The following TRIM67 variants were observed in gnomAD, a reference collection of about 807,000 sequenced individuals.
TRIM67 encodes tripartite motif-containing protein 67.
TRIM67 carries 39 observed loss-of-function variants against 71.0 expected under a neutral mutation model. That is an observed-to-expected ratio of 0.55 (90% CI 0.43 to 0.72). TRIM67 has a LOEUF of 0.72. TRIM67 is among the 30% of genes least tolerant of loss of function. TRIM67 has a pLI of 0.00. For missense variants in TRIM67, 973 were observed against 1,079.2 expected (o/e 0.90, Z 1.38); for synonymous variants, 481 against 473.9 (o/e 1.01, Z -0.19).
chr1:231,174,030 A>T (rs891681549), intron 1 of TRIM67, among the ~76,000 whole-genome samples: 27 of 151,392 alleles, frequency 1.8e-4, no homozygotes, highest in African/African-American at 6.1e-4. Context: ...CTCCTTCTCT[A>T]TCCTCTCTCT....
At chr1:231,207,959 T>C (rs1288582420) in intron 7 of TRIM67, among the ~76,000 whole-genome samples, 6 of 151,728 alleles carry the variant, frequency 4.0e-5, no homozygotes, top group African/African-American at 7.3e-5. Flanking sequence ...TCTCTGTGTC[T>C]CAAATCTCCC....
Position 231,201,348 on chromosome 1 carries a change from C to A in TRIM67, c.1375-10C>A. The stretch of plus-strand genomic sequence containing the variant: ...AAAGCAAAACCTTAAACTCTTTGCT[C>A]CCCTTTAAGATCTCAGATGCTCTGA... On this transcript the variant is annotated splice_polypyrimidine_tract_variant and intron_variant, in intron 4 of 9. Coordinates refer to ENST00000366653, the MANE Select transcript of TRIM67 (RefSeq NM_001004342.5). The A allele has an allele frequency of 6.2e-7, 1 of 1,610,002 alleles. No homozygotes were observed. The highest frequency in any genetic ancestry group is 1.1e-5 in the South Asian group (1 of 90,168).
At chr1:231,200,699 T>C (rs1683497230) in intron 4 of TRIM67, among the ~76,000 whole-genome samples, 1 of 152,232 alleles carries the variant, frequency 6.6e-6, no homozygotes, top group South Asian at 2.1e-4. Context: ...TGACTCAGGG[T>C]CATGAGTATC....
rs572649274 is a variant in TRIM67, at chr1:231,217,940, C to A, written c.*2500C>A. ...AGGACTCCCTCCTCCCCACTGCCAC[C>A]CTGAGCTTGGGGGCTGGGATTCTCC... On this transcript the variant is annotated 3_prime_UTR_variant, in exon 10 of 10. Coordinates refer to ENST00000366653, the MANE Select transcript of TRIM67 (RefSeq NM_001004342.5). 2.4e-6 allele frequency: 3 copies of A among 1,274,696 alleles called. No homozygotes were observed. The highest frequency in any genetic ancestry group is 3.0e-5 in the African/African-American group (2 of 65,726). The allele number at this position is 1,274,696 out of a possible 1,614,324, so 79.0% of individuals were successfully genotyped here.
chr1:231,167,319 C>CTTTTTTTTTTTTTTTTTTTTTTTTT lies in TRIM67; in HGVS notation c.1044+3327_1044+3328insTTTTTTTTTTTTTTTTTTTTTTTTT. Among the ~76,000 whole-genome samples, 20 of 51,840 alleles carry CTTTTTTTTTTTTTTTTTTTTTTTTT rather than the reference C, an allele frequency of 3.9e-4. 4 individuals carry two copies. Among genetic ancestry groups the CTTTTTTTTTTTTTTTTTTTTTTTTT allele is most frequent in the Non-Finnish European group, 5.5e-4 (15 of 27,220 alleles). The allele number at this position is 51,840 out of a possible 152,430, so 34.0% of individuals were successfully genotyped here. ...ACAGGACTTTTGATCACTCTAATGT[C>CTTTTTTTTTTTTTTTTTTTTTTTTT]TTTTTTTTTTTTTTTTTTTTTGAGA... On this transcript the variant is annotated intron_variant, in intron 1 of 9. Coordinates refer to ENST00000366653, the MANE Select transcript of TRIM67 (RefSeq NM_001004342.5).
chr1:231,201,096 GTTTGCGGCAATCTC>G (rs1189573549), intron 4 of TRIM67, among the ~76,000 whole-genome samples: 73 of 152,318 alleles, frequency 4.8e-4, no homozygotes, highest in Admixed American at 1.4e-3. Context: ...TCTCAGTAGT[GTTTGCGGCAATCTC>G]TTTAAGCATC....
rs1159484901 is a variant in TRIM67 at position 231,163,738 on chromosome 1, C to CCGA, written c.771_772insACG (p.Pro257_Pro258insThr). 5 of 1,491,930 alleles carry CCGA rather than the reference C, an allele frequency of 3.4e-6. No homozygotes were observed. The East Asian group carries it at 1.2e-4, about 35-fold the overall frequency. The allele number at this position is 1,491,930 out of a possible 1,614,324, so 92.4% of individuals were successfully genotyped here. The stretch of plus-strand genomic sequence containing the variant: ...TCGCCTGGTGCAGCCGCCGCCGCCG[C>CCGA]CGCCGCCGCCCGCCGAGGCAGCCTC... On this transcript the variant is annotated inframe_insertion, in exon 1 of 10. Coordinates refer to ENST00000366653, the MANE Select transcript of TRIM67 (RefSeq NM_001004342.5).
At chr1:231,196,894 T>C (rs1571891072) in intron 1 of TRIM67, among the ~76,000 whole-genome samples, 2 of 152,172 alleles carry the variant, frequency 1.3e-5, no homozygotes, top group Non-Finnish European at 2.9e-5. Context: ...ACAGCCCCCT[T>C]CCTGTCCATC....
chr1:231,211,124 G>C (rs142968990), intron 8 of TRIM67, among the ~76,000 whole-genome samples: 119 of 151,840 alleles, frequency 7.8e-4, no homozygotes, highest in African/African-American at 2.5e-3. Context: ...CGGGTCACGC[G>C]GCTAGTTGAT....
chr1:231,213,993 G>C lies in TRIM67; in HGVS notation c.2286+16G>C, dbSNP rs549688150. The C allele has an allele frequency of 6.3e-7, 1 of 1,597,632 alleles. No homozygotes were observed. The highest frequency in any genetic ancestry group is 2.2e-5 in the East Asian group (1 of 44,668). On this transcript the variant is annotated intron_variant, in intron 9 of 9. Coordinates refer to ENST00000366653, the MANE Select transcript of TRIM67 (RefSeq NM_001004342.5). ...CAACGTGCAGGTACACACCTCCCCA[G>C]GGCCGGACCTGGTCTGGCTGCTCCC... is the stretch of plus-strand genomic sequence containing the variant.
At chr1:231,210,256 C>A (rs1683830834) in intron 8 of TRIM67, among the ~76,000 whole-genome samples, 1 of 152,130 alleles carries the variant, frequency 6.6e-6, no homozygotes, top group Non-Finnish European at 1.5e-5. Context: ...GGGCCCCAGC[C>A]CCAGGCAAAA....
At chr1:231,174,554 A>G (rs1240526472) in intron 1 of TRIM67, among the ~76,000 whole-genome samples, 2 of 150,566 alleles carry the variant, frequency 1.3e-5, no homozygotes, top group African/African-American at 4.9e-5. Flanking sequence ...CTTCCATTTC[A>G]CTGGTTATTT....
rs981493194 is a variant in TRIM67, at chr1:231,164,351, T to C, written c.1044+338T>C. ...ACGTCTGACTAATAAGTTACCTTGA[T>C]GGTCCCTTTTGAGTTAAGGCATGCA... is the stretch of plus-strand genomic sequence containing the variant. On this transcript the variant is annotated intron_variant, in intron 1 of 9. Transcript: ENST00000366653. Among the ~76,000 whole-genome samples the C allele has an allele frequency of 5.3e-5, 8 of 152,324 alleles. No individual in the cohort carries two copies. In the South Asian group the frequency reaches 1.5e-3, roughly 28 times the overall value.
In TRIM67 at chr1:231,193,930, T is replaced by C. The variant is rs145004811; in HGVS notation, c.1045-3441T>C. Among the ~76,000 whole-genome samples, 261 of 152,222 alleles carry C rather than the reference T, an allele frequency of 1.7e-3. 1 individual carries two copies. Among genetic ancestry groups the C allele is most frequent in the African/African-American group, 6.2e-3 (257 of 41,518 alleles). On this transcript the variant is annotated intron_variant, in intron 1 of 9. Coordinates refer to ENST00000366653, the MANE Select transcript of TRIM67 (RefSeq NM_001004342.5). Reference sequence around the variant, plus strand: ...TGTGACCAAATACCTCCCACTAGGCTCCACCTCCAAAACTGGGGATCAAAT... The same window carrying C: ...TGTGACCAAATACCTCCCACTAGGCCCCACCTCCAAAACTGGGGATCAAAT...
chr1:231,212,680 ACCACTGCCTGGG>A lies in TRIM67; in HGVS notation c.2124-1130_2124-1119del, dbSNP rs1683906487. ...CCAGGCAACGGTGAGCCATGATTGC[ACCACTGCCTGGG>A]CCACAGGGAGAAACAGCCACTCTAA... is the stretch of plus-strand genomic sequence containing the variant. On this transcript the variant is annotated intron_variant, in intron 8 of 9. Transcript: ENST00000366653. Among the ~76,000 whole-genome samples the A allele has an allele frequency of 2.6e-5, 4 of 152,124 alleles. No individual in the cohort carries two copies. The South Asian group carries it at 8.3e-4, about 32-fold the overall frequency.
intron 1 of TRIM67, among the ~76,000 whole-genome samples, chr1:231,171,776 G>T (rs1015220489): frequency 6.6e-6 from 1 of 152,160 alleles, no homozygotes; most frequent in Non-Finnish European, 1.5e-5. Context: ...TGCTAAACTT[G>T]TACAGCAAGT....
rs1045732966 is a variant in TRIM67, at chr1:231,163,924, C to A, written c.955C>A (p.Arg319=). The A allele has an allele frequency of 6.3e-7, 1 of 1,585,430 alleles. No homozygotes were observed. The highest frequency in any genetic ancestry group is 8.6e-7 in the Non-Finnish European group (1 of 1,166,322). ...CTACAGCATGTACTGCGTGAGCTGT[C>A]GAACCCCGGTGTGTTATCTGTGCCT... ...ENYSMYCVSC[R]TPVCYLCLEE... is the part of the protein sequence containing the mutation. Residue 319 remains arginine (R), a synonymous_variant, in exon 1 of 10, where the codon CGA becomes AGA. Coordinates refer to ENST00000366653, the MANE Select transcript of TRIM67 (RefSeq NM_001004342.5).
chr1:231,218,567 G>T lies in TRIM67; in HGVS notation c.*3127G>T. 1.0e-6 allele frequency: 1 copy of T among 985,412 alleles called. No homozygotes were observed. The highest frequency in any genetic ancestry group is 1.2e-6 in the Non-Finnish European group (1 of 829,934). 61.0% of individuals were successfully genotyped at this position (985,412 alleles called of 1,614,324 possible). On this transcript the variant is annotated 3_prime_UTR_variant, in exon 10 of 10. Coordinates refer to ENST00000366653, the MANE Select transcript of TRIM67 (RefSeq NM_001004342.5). Reference sequence around the variant, plus strand: ...AGCTCCTAATTCAAAGCAGGGGAAGGTATTTCCCCAAAGCCTGCTTTTCCT... The same window carrying T: ...AGCTCCTAATTCAAAGCAGGGGAAGTTATTTCCCCAAAGCCTGCTTTTCCT...
chr1:231,187,645 T>C (rs943175142), intron 1 of TRIM67: 3 of 1,296,198 alleles, frequency 2.3e-6, no homozygotes, highest in Middle Eastern at 2.6e-4. Flanking sequence ...ACACGCCCCA[T>C]CTCTACTGTC....
Sources: gnomAD v4.1 joint callset for allele counts (sites outside exome capture counted in the v4.1 genomes callset) on GRCh38, gnomAD v4.1.1 for gene constraint, MANE v1.5 for transcripts, NCBI Gene and HGNC (gene_info 2026-07-23, HGNC 2026-07-21) for gene names.